The following LHFPL4 variants were observed in gnomAD, a reference collection of about 807,000 sequenced individuals.
LHFPL4 encodes LHFPL tetraspan subfamily member 4.
A neutral mutation model predicts 20.0 loss-of-function variants in LHFPL4; 6 were observed. The observed-to-expected ratio is 0.30, with a 90% CI of 0.16 to 0.59. LHFPL4 has a LOEUF of 0.59. Ranked by LOEUF, LHFPL4 falls within the 20% of genes least tolerant of loss-of-function variation. The pLI is 0.88. For synonymous variants in LHFPL4, 129 were observed against 143.8 expected (o/e 0.90, Z 0.74); for missense variants, 215 against 331.2 (o/e 0.65, Z 2.72).
intron 2 of LHFPL4, among the ~76,000 whole-genome samples, chr3:9,524,749 G>C (rs1005280263): frequency 6.6e-6 from 1 of 152,100 alleles, no homozygotes; most frequent in Non-Finnish European, 1.5e-5. Flanking sequence ...TAATTGAGCC[G>C]GGTTCACATA....
At chr3:9,528,251 T>G (rs1425251731) in intron 2 of LHFPL4, among the ~76,000 whole-genome samples, 1 of 152,228 alleles carries the variant, frequency 6.6e-6, no homozygotes, top group Admixed American at 6.5e-5. Flanking sequence ...TCCTCTTAAA[T>G]GCTACTCCTG....
chr3:9,505,796 C>T lies in LHFPL4; in HGVS notation c.643+171G>A, dbSNP rs866522596. ...CTACTCTTGAACTCCTGGGCTCAAG[C>T]GATCTACCTGCCTTGGCTTCCCAAA... On this transcript the variant is annotated intron_variant, in intron 3 of 3. Coordinates refer to ENST00000287585, the MANE Select transcript of LHFPL4 (RefSeq NM_198560.3). Among the ~76,000 whole-genome samples the T allele has an allele frequency of 3.8e-4, 58 of 151,958 alleles. 2 individuals are homozygous for T. Among genetic ancestry groups the T allele is most frequent in the South Asian group, 4.2e-4 (2 of 4,808 alleles).
At chr3:9,522,857 C>T (rs935799305) in intron 2 of LHFPL4, among the ~76,000 whole-genome samples, 4 of 150,454 alleles carry the variant, frequency 2.7e-5, no homozygotes, top group African/African-American at 4.9e-5. Context: ...CTGGCTAACA[C>T]AGTGAAACCC....
chr3:9,551,692 C>G (rs536483722), intron 2 of LHFPL4, among the ~76,000 whole-genome samples: 1 of 152,172 alleles, frequency 6.6e-6, no homozygotes, highest in Non-Finnish European at 1.5e-5. Flanking sequence ...CCACTCACAT[C>G]TCAAACAGTG....
At chr3:9,508,262 C>T (rs561833509) in intron 2 of LHFPL4, among the ~76,000 whole-genome samples, 25 of 152,288 alleles carry the variant, frequency 1.6e-4, no homozygotes, top group Non-Finnish European at 2.9e-4. Flanking sequence ...AGTCCTCCTC[C>T]TCTCCCCAAC....
intron 2 of LHFPL4, among the ~76,000 whole-genome samples, chr3:9,550,344 C>A (rs1321100281): frequency 6.6e-6 from 1 of 152,198 alleles, no homozygotes; most frequent in Non-Finnish European, 1.5e-5. Context: ...AGCAAAAGTG[C>A]CCTGGGCCAG....
chr3:9,515,343 GTTTCT>G (rs2046292419), intron 2 of LHFPL4, among the ~76,000 whole-genome samples: 1 of 152,118 alleles, frequency 6.6e-6, no homozygotes, highest in Non-Finnish European at 1.5e-5. Flanking sequence ...TAATTAGGTT[GTTTCT>G]TTTCTTATTT....
At chr3:9,531,289 G>C (rs1405596695) in intron 2 of LHFPL4, among the ~76,000 whole-genome samples, 1 of 152,220 alleles carries the variant, frequency 6.6e-6, no homozygotes, top group Non-Finnish European at 1.5e-5. Context: ...AGTTCCGACA[G>C]ACTTGATTGA....
At chr3:9,531,045 C>G (rs1165602905) in intron 2 of LHFPL4, among the ~76,000 whole-genome samples, 3 of 152,258 alleles carry the variant, frequency 2.0e-5, no homozygotes, top group Admixed American at 6.5e-5. Flanking sequence ...GGGAGAGAGA[C>G]AGGGGAACAG....
rs541073767 is a variant in LHFPL4, at chr3:9,531,376, G to A, written c.406+20898C>T. 1.5e-4 allele frequency among the ~76,000 whole-genome samples: 23 copies of A among 152,290 alleles called. No homozygotes were observed. The East Asian group carries it at 4.2e-3, about 28-fold the overall frequency. ...ACAATAAAGCAAAGCACAATAAAACGAGGTATGCCTGCATATACGCTTGAG... is the reference window on the plus strand; with the variant it reads ...ACAATAAAGCAAAGCACAATAAAACAAGGTATGCCTGCATATACGCTTGAG... On this transcript the variant is annotated intron_variant, in intron 2 of 3. Coordinates refer to ENST00000287585, the MANE Select transcript of LHFPL4 (RefSeq NM_198560.3).
chr3:9,519,299 T>G (rs910026247), intron 2 of LHFPL4, among the ~76,000 whole-genome samples: 2 of 151,854 alleles, frequency 1.3e-5, no homozygotes, highest in African/African-American at 4.9e-5. Flanking sequence ...GGTCTCCAAC[T>G]CCTGACCTTA....
At chr3:9,551,941 G>GT (rs1387463774) in intron 2 of LHFPL4, among the ~76,000 whole-genome samples, 3 of 151,954 alleles carry the variant, frequency 2.0e-5, no homozygotes, top group African/African-American at 7.3e-5. Context: ...CATACCTACA[G>GT]TAACCCCTCA....
intron 2 of LHFPL4, among the ~76,000 whole-genome samples, chr3:9,546,314 GAA>G (rs34993981): frequency 1.3e-4 from 17 of 130,834 alleles, no homozygotes; most frequent in East Asian, 6.6e-4. Context: ...GACTCGGTCT[GAA>G]AAAAAAAAAA....
At chr3:9,510,967 TAAATAAA>T (rs2046255515) in intron 2 of LHFPL4, among the ~76,000 whole-genome samples, 1 of 150,458 alleles carries the variant, frequency 6.6e-6, no homozygotes, top group Non-Finnish European at 1.5e-5. Flanking sequence ...AATAAATAAA[TAAATAAA>T]TAAATAAGCA....
chr3:9,544,542 G>C (rs190044135), intron 2 of LHFPL4, among the ~76,000 whole-genome samples: 20 of 151,994 alleles, frequency 1.3e-4, no homozygotes, highest in Non-Finnish European at 2.5e-4. Context: ...GGAGAATTGC[G>C]TGAACCCGGG....
rs2046177472 is a variant in LHFPL4 at position 9,501,843 on chromosome 3, G to C, written c.*368C>G. 1 of 221,876 alleles carries C rather than the reference G, an allele frequency of 4.5e-6. No individual in the cohort carries two copies. 13.7% of individuals were successfully genotyped at this position (221,876 alleles called of 1,614,324 possible). A position where few individuals can be genotyped will look rare whatever the true frequency, so the allele number is the denominator to read the frequency against. On this transcript the variant is annotated 3_prime_UTR_variant, in exon 4 of 4. Transcript: ENST00000287585. ...GAAGAGGTGCGGATACAGCCAGGCG[G>C]CAGCCCTCCAGACTGAGGGGGCCTG... is the stretch of plus-strand genomic sequence containing the variant.
At chr3:9,538,856 G>A (rs186795038) in intron 2 of LHFPL4, among the ~76,000 whole-genome samples, 9 of 151,862 alleles carry the variant, frequency 5.9e-5, no homozygotes, top group South Asian at 2.1e-4. Context: ...GCACCACCAC[G>A]CCCGGCTAAT....
chr3:9,537,147 T>G (rs748770556), intron 2 of LHFPL4, among the ~76,000 whole-genome samples: 4 of 152,090 alleles, frequency 2.6e-5, no homozygotes, highest in Non-Finnish European at 4.4e-5. Flanking sequence ...CAGAATAAAA[T>G]CCTGCCAACA....
intron 2 of LHFPL4, among the ~76,000 whole-genome samples, chr3:9,531,264 T>C (rs1319982699): frequency 6.6e-6 from 1 of 152,220 alleles, no homozygotes; most frequent in Non-Finnish European, 1.5e-5. Flanking sequence ...AGTGGGCACG[T>C]GCTGCAGGGA....
Sources: gnomAD v4.1 joint callset for allele counts (sites outside exome capture counted in the v4.1 genomes callset) on GRCh38, gnomAD v4.1.1 for gene constraint, MANE v1.5 for transcripts, NCBI Gene and HGNC (gene_info 2026-07-23, HGNC 2026-07-21) for gene names.